ARHGAP24: variants seen among roughly 807,000 people sequenced by gnomAD.
ARHGAP24 encodes the protein rho GTPase-activating protein 24.
ARHGAP24 carries 50 observed loss-of-function variants against 76.4 expected under a neutral mutation model. The observed-to-expected ratio is 0.65, with a 90% CI of 0.52 to 0.83. The LOEUF (loss-of-function observed/expected upper bound fraction) is 0.83, where lower values mean the gene tolerates loss of function less well. ARHGAP24 is among the 40% of genes least tolerant of loss of function. The pLI, the probability that ARHGAP24 is intolerant of heterozygous loss-of-function variation, is 0.00. For synonymous variants in ARHGAP24, 345 were observed against 323.3 expected (o/e 1.07, Z -0.72); for missense variants, 930 against 914.2 (o/e 1.02, Z -0.22).
At chr4:85,917,985 G>A (rs346514) in intron 3 of ARHGAP24, among the ~76,000 whole-genome samples, 97,855 of 151,738 alleles carry the variant, frequency 0.64, 32,306 homozygotes, top group East Asian at 0.99. Context: ...CGTAGTCTGG[G>A]CTTTGAGCAA....
chr4:85,716,600 G>A (rs1724742607), intron 2 of ARHGAP24, among the ~76,000 whole-genome samples: 2 of 152,004 alleles, frequency 1.3e-5, no homozygotes, highest in African/African-American at 2.4e-5. Context: ...GGGATAACAT[G>A]CACTTACTTA....
chr4:85,931,383 C>G lies in ARHGAP24; in HGVS notation c.391+7613C>G, dbSNP rs145811610. 2.7e-3 allele frequency among the ~76,000 whole-genome samples: 418 copies of G among 152,216 alleles called. 1 individual carries two copies. Among genetic ancestry groups the G allele is most frequent in the African/African-American group, 9.7e-3 (403 of 41,522 alleles). On this transcript the variant is annotated intron_variant, in intron 4 of 9. Transcript: ENST00000395184. ...CCCTTCCTAGACCCAAATCAAGCAG[C>G]CATGTTCTGACCCCTCAAAACAGGG...
intron 3 of ARHGAP24, among the ~76,000 whole-genome samples, chr4:85,858,671 T>C (rs1323605051): frequency 6.6e-6 from 1 of 152,080 alleles, no homozygotes; most frequent in African/African-American, 2.4e-5. Flanking sequence ...AAGATGATTC[T>C]AAGAAGCAAT....
chr4:85,745,552 C>G (rs1725999148), intron 3 of ARHGAP24, among the ~76,000 whole-genome samples: 1 of 148,626 alleles, frequency 6.7e-6, no homozygotes, highest in South Asian at 2.1e-4. Flanking sequence ...GCTTACACAA[C>G]TGTACTCCAC....
At chr4:85,970,092 C>T (rs1670343768) in intron 5 of ARHGAP24, among the ~76,000 whole-genome samples, 4 of 152,236 alleles carry the variant, frequency 2.6e-5, no homozygotes, top group Admixed American at 2.0e-4. Context: ...AATGGAAAAC[C>T]TCAGTCCTTA....
At chr4:85,888,270 G>T (rs113239738) in intron 3 of ARHGAP24, among the ~76,000 whole-genome samples, 1 of 151,810 alleles carries the variant, frequency 6.6e-6, no homozygotes, top group Admixed American at 6.6e-5. Flanking sequence ...ACGTGGTGGC[G>T]CACACTTGTA....
intron 2 of ARHGAP24, among the ~76,000 whole-genome samples, chr4:85,615,068 A>G (rs1720503357): frequency 6.6e-6 from 1 of 152,034 alleles, no homozygotes; most frequent in Non-Finnish European, 1.5e-5. Context: ...AAGATGATCC[A>G]TAGAAGAAAT....
At chr4:85,875,474 T>G (rs1437577044) in intron 3 of ARHGAP24, among the ~76,000 whole-genome samples, 1 of 72,970 alleles carries the variant, frequency 1.4e-5, no homozygotes, top group Non-Finnish European at 2.2e-5. Flanking sequence ...ATATAATATA[T>G]TTATCTTATA....
intron 3 of ARHGAP24, among the ~76,000 whole-genome samples, chr4:85,818,850 T>G (rs1175536862): frequency 6.6e-6 from 1 of 152,210 alleles, no homozygotes; most frequent in Non-Finnish European, 1.5e-5. Context: ...CTGTTGTGAG[T>G]AGATATGTCT....
chr4:85,927,598 T>C (rs1736088187), intron 4 of ARHGAP24, among the ~76,000 whole-genome samples: 1 of 152,194 alleles, frequency 6.6e-6, no homozygotes, highest in Non-Finnish European at 1.5e-5. Flanking sequence ...ACCCAGGCCC[T>C]GTTAATACTA....
intron 2 of ARHGAP24, among the ~76,000 whole-genome samples, chr4:85,576,324 G>A (rs1459719063): frequency 6.6e-6 from 1 of 152,052 alleles, no homozygotes; most frequent in African/African-American, 2.4e-5. Flanking sequence ...CACCTACTCC[G>A]GAGGCTGAGG....
intron 1 of ARHGAP24, among the ~76,000 whole-genome samples, chr4:85,481,514 A>G (rs754794701): frequency 6.6e-6 from 1 of 152,114 alleles, no homozygotes; most frequent in Non-Finnish European, 1.5e-5. Flanking sequence ...GACCTGTGGG[A>G]TGGGTTACCA....
chr4:85,700,913 T>G (rs1400375882), intron 2 of ARHGAP24, among the ~76,000 whole-genome samples: 1 of 152,224 alleles, frequency 6.6e-6, no homozygotes, highest in Non-Finnish European at 1.5e-5. Flanking sequence ...TATCTCTCTT[T>G]GTTTGTTTCA....
rs116431490 is a variant in ARHGAP24 at position 85,695,256 on chromosome 4, A to G, written c.181-26629A>G. On this transcript the variant is annotated intron_variant, in intron 2 of 9. Coordinates refer to ENST00000395184, the MANE Select transcript of ARHGAP24 (RefSeq NM_001025616.3). ...AATTAAGTGATGCTGACACACAACT[A>G]TGTAAGTTCTCTGCTACTTTCTAAA... 5.4e-3 allele frequency among the ~76,000 whole-genome samples: 817 copies of G among 152,326 alleles called. 7 individuals carry two copies. The highest frequency in any genetic ancestry group is 0.019 in the African/African-American group (772 of 41,580).
chr4:85,822,566 C>A (rs1729522901), intron 3 of ARHGAP24, among the ~76,000 whole-genome samples: 1 of 152,140 alleles, frequency 6.6e-6, no homozygotes, highest in Admixed American at 6.6e-5. Flanking sequence ...ACCTCCAAAC[C>A]AATATATGTT....
chr4:85,977,978 AC>A (rs1244594883), intron 8 of ARHGAP24, among the ~76,000 whole-genome samples: 1 of 152,246 alleles, frequency 6.6e-6, no homozygotes, highest in African/African-American at 2.4e-5. Flanking sequence ...GAAAAAAACT[AC>A]CTCACTTCGT....
rs1480841816 is a variant in ARHGAP24, at chr4:85,909,065, T to C, written c.269-14583T>C. Among the ~76,000 whole-genome samples, 4 of 152,298 alleles carry C rather than the reference T, an allele frequency of 2.6e-5. No homozygotes were observed. The East Asian group carries it at 7.7e-4, about 29-fold the overall frequency. ...AAGAAATATCTTGGGTTTTACTTAA[T>C]TCAGCTTAACTGACTATACTTCCAG... is the stretch of plus-strand genomic sequence containing the variant. On this transcript the variant is annotated intron_variant, in intron 3 of 9. Transcript: ENST00000395184.
Position 85,570,882 on chromosome 4 carries a change from G to A in ARHGAP24, c.180+161G>A, listed in dbSNP as rs111349202. ...TACCCATTGCTTGCTTTGAGTTGGA[G>A]ATAATAAAATCGCTAATTGAGGCCA... is the stretch of plus-strand genomic sequence containing the variant. On this transcript the variant is annotated intron_variant, in intron 2 of 9. Coordinates refer to ENST00000395184, the MANE Select transcript of ARHGAP24 (RefSeq NM_001025616.3). 6.5e-5 allele frequency: 52 copies of A among 804,678 alleles called. 1 individual carries two copies. In the African/African-American group the frequency reaches 6.6e-4, roughly 10 times the overall value. The allele number at this position is 804,678 out of a possible 1,614,324, so 49.8% of individuals were successfully genotyped here.
At chr4:85,852,916 G>A (rs1449574579) in intron 3 of ARHGAP24, among the ~76,000 whole-genome samples, 14 of 152,202 alleles carry the variant, frequency 9.2e-5, no homozygotes, top group Non-Finnish European at 1.8e-4. Context: ...TCCCTGTTAG[G>A]CTACACGGGG....
Sources: allele counts gnomAD v4.1 joint callset (sites outside exome capture counted in the v4.1 genomes callset), GRCh38; gene constraint gnomAD v4.1.1; transcripts MANE v1.5; gene names NCBI Gene and HGNC (gene_info 2026-07-23, HGNC 2026-07-21).